PPARGC1B: variants seen among roughly 807,000 people sequenced by gnomAD.
PPARGC1B encodes PPARG coactivator 1 beta.
In PPARGC1B, 34 loss-of-function variants were observed where a neutral mutation model predicts 101.6. That is an observed-to-expected ratio of 0.33 (90% confidence interval 0.25 to 0.45). The LOEUF (loss-of-function observed/expected upper bound fraction) is 0.45. PPARGC1B is among the 20% of genes least tolerant of loss of function. The probability of loss-of-function intolerance (pLI) is 1.00; values close to 1 mark genes in which losing one functional copy is unlikely to be tolerated. For synonymous variants in PPARGC1B, 548 were observed against 539.3 expected, an observed-to-expected ratio of 1.02 and a Z score of -0.22; for missense variants, 1,234 against 1,317.6, an observed-to-expected ratio of 0.94 and a Z score of 0.98.
At chr5:149,831,996 A>G (rs1190676829) in intron 4 of PPARGC1B, among the ~76,000 whole-genome samples, 1 of 152,204 alleles carries the variant, frequency 6.6e-6, no homozygotes, top group East Asian at 1.9e-4. Context: ...TGTGACCATT[A>G]TCCAGTTTTA....
intron 1 of PPARGC1B, among the ~76,000 whole-genome samples, chr5:149,758,205 T>C (rs1755605198): frequency 6.6e-6 from 1 of 152,276 alleles, no homozygotes; most frequent in Non-Finnish European, 1.5e-5. Flanking sequence ...CTCTGTCTGC[T>C]GGGTAACCCT....
chr5:149,763,368 G>C (rs1309900471), intron 1 of PPARGC1B, among the ~76,000 whole-genome samples: 1 of 152,144 alleles, frequency 6.6e-6, no homozygotes, highest in Non-Finnish European at 1.5e-5. Flanking sequence ...AGGGGCTGTT[G>C]GTCATGAAGA....
Position 149,830,972 on chromosome 5 carries a change from C to T in PPARGC1B, c.582+89C>T. 4 of 866,194 alleles carry T rather than the reference C, an allele frequency of 4.6e-6. No homozygotes were observed. In the South Asian group the frequency reaches 5.6e-5, roughly 12 times the overall value. 53.7% of individuals were successfully genotyped at this position (866,194 alleles called of 1,614,324 possible). On this transcript the variant is annotated intron_variant, in intron 4 of 11. Transcript: ENST00000309241. ...GGTGGAGGATAGCGAGTTCAGTCAA[C>T]CTCCAATATCTCTTCCCACTCCTCC...
chr5:149,742,806 A>G (rs1754956439), intron 1 of PPARGC1B, among the ~76,000 whole-genome samples: 2 of 152,334 alleles, frequency 1.3e-5, no homozygotes, highest in South Asian at 2.1e-4. Context: ...TTCAGAGCAC[A>G]TGGTCCTAAC....
rs1168272608 is a variant in PPARGC1B, at chr5:149,832,711, G to A, written c.638G>A (p.Cys213Tyr). 1.3e-6 allele frequency: 2 copies of A among 1,585,672 alleles called. No homozygotes were observed. Among genetic ancestry groups the A allele is most frequent in the Non-Finnish European group, 8.6e-7 (1 of 1,163,546 alleles). Residue 213 changes from cysteine (C) to tyrosine (Y), a missense_variant, in exon 5 of 12, where the codon TGT (cysteine) becomes TAT (tyrosine). This residue lies in a region of PPARGC1B where 734 missense variants were observed against 768.4 expected (regional missense o/e 0.96). Coordinates refer to ENST00000309241, the MANE Select transcript of PPARGC1B (RefSeq NM_133263.4). This position sits in a 1 kb window ranked among gnomAD's most constrained non-coding sequence, Gnocchi z 4.9. ...ATGATGCAGTCTCAGAGCCGAAGTT[G>A]TACAGAACTACATAAGCACCTCACC... ...APMMQSQSRS[C>Y]TELHKHLTSA...
Position 149,794,822 on chromosome 5 carries a change from C to T in PPARGC1B, c.79-25611C>T, listed in dbSNP as rs181459427. 3.3e-5 allele frequency among the ~76,000 whole-genome samples: 5 copies of T among 152,356 alleles called. No individual in the cohort carries two copies. The East Asian group carries it at 7.7e-4, about 24-fold the overall frequency. ...CCGCTGCTGATGAAGCGTTGTCTGC[C>T]CAACACCTGCCCTTCCTCCTGTAAC... On this transcript the variant is annotated intron_variant, in intron 1 of 11. Coordinates refer to ENST00000309241, the MANE Select transcript of PPARGC1B (RefSeq NM_133263.4).
intron 1 of PPARGC1B, among the ~76,000 whole-genome samples, chr5:149,790,357 C>G (rs1343005087): frequency 6.6e-6 from 1 of 152,044 alleles, no homozygotes; most frequent in Non-Finnish European, 1.5e-5. Context: ...GTGGCTTCCC[C>G]TACAGAACAT....
chr5:149,839,947 A>T, intron 8 of PPARGC1B, 94 bp from the exon 9 acceptor site: 4 of 1,267,336 alleles, frequency 3.2e-6, no homozygotes, highest in Non-Finnish European at 4.6e-6. Flanking sequence ...AACAAATCCT[A>T]AGGAAGCATC....
intron 2 of PPARGC1B, 53 bp downstream of exon 2, chr5:149,820,659 C>T: frequency 6.5e-7 from 1 of 1,545,172 alleles, no homozygotes; most frequent in Non-Finnish European, 8.8e-7. Context: ...TCTCTCTCCT[C>T]AAAATCCCGG....
chr5:149,773,504 G>A (rs1312545327), intron 1 of PPARGC1B, among the ~76,000 whole-genome samples: 1 of 152,116 alleles, frequency 6.6e-6, no homozygotes, highest in East Asian at 1.9e-4. Flanking sequence ...TCTCAGCCTG[G>A]CCCCTGCCTG....
chr5:149,833,420 G>A lies in PPARGC1B; in HGVS notation c.1347G>A (p.Glu449=), dbSNP rs772698680. The A allele has an allele frequency of 5.6e-6, 9 of 1,593,190 alleles. No homozygotes were observed. The South Asian group carries it at 6.7e-5, about 12-fold the overall frequency. ...EEEEEEKEEE[E]EWGRKRPGRG... ...AGGAAGAAGAAAAAGAGGAGGAGGA[G>A]GAGTGGGGCAGGAAAAGGCCAGGCC... The change falls in exon 5 of 12, where the codon GAG becomes GAA. Residue 449 remains glutamate (E), a synonymous_variant. Transcript: ENST00000309241. This position sits in a 1 kb window ranked among gnomAD's most constrained non-coding sequence, Gnocchi z 4.1.
intron 2 of PPARGC1B, among the ~76,000 whole-genome samples, chr5:149,823,573 T>G (rs1758386782): frequency 6.6e-6 from 1 of 152,048 alleles, no homozygotes; most frequent in African/African-American, 2.4e-5. Context: ...CTCAGCTGAT[T>G]AACTCTCCAT....
At chr5:149,732,733 G>A (rs1330814395) in intron 1 of PPARGC1B, 5 of 464,852 alleles carry the variant, frequency 1.1e-5, no homozygotes, top group Non-Finnish European at 2.2e-5. Flanking sequence ...CGGGCCCAGT[G>A]TGCTCCTCCT....
intron 1 of PPARGC1B, among the ~76,000 whole-genome samples, chr5:149,800,299 G>A (rs552486480): frequency 6.6e-6 from 1 of 152,316 alleles, no homozygotes; most frequent in East Asian, 1.9e-4. Context: ...AGCAGTGCAC[G>A]AGGGGAGGGA....
chr5:149,843,198 C>T (rs1243310835), intron 10 of PPARGC1B, among the ~76,000 whole-genome samples: 1 of 152,076 alleles, frequency 6.6e-6, no homozygotes, highest in Non-Finnish European at 1.5e-5. Flanking sequence ...TACTAGGCAG[C>T]CCTGGTTTTT....
chr5:149,762,041 C>T (rs1291354641), intron 1 of PPARGC1B, among the ~76,000 whole-genome samples: 3 of 152,130 alleles, frequency 2.0e-5, no homozygotes, highest in African/African-American at 7.2e-5. Context: ...CTTCTCTGGC[C>T]AGACCCTGGT....
intron 11 of PPARGC1B, chr5:149,846,714 C>T (rs1759574518): frequency 6.5e-6 from 1 of 154,074 alleles, no homozygotes. Context: ...TGTCAGTGAC[C>T]CGGCTGGGTG....
chr5:149,808,366 T>C (rs1757676948), intron 1 of PPARGC1B, among the ~76,000 whole-genome samples: 4 of 152,058 alleles, frequency 2.6e-5, no homozygotes, highest in Admixed American at 2.6e-4. Flanking sequence ...GGCCTTTCAC[T>C]CCTGAGAGTC....
At chr5:149,759,630 T>A (rs1360395956) in intron 1 of PPARGC1B, among the ~76,000 whole-genome samples, 1 of 152,112 alleles carries the variant, frequency 6.6e-6, no homozygotes, top group East Asian at 1.9e-4. Flanking sequence ...CTGGGGTGGG[T>A]TGGTTCATTG....
Sources: allele counts gnomAD v4.1 joint callset (sites outside exome capture counted in the v4.1 genomes callset), GRCh38; gene constraint gnomAD v4.1.1; regional missense constraint gnomAD v4.1.1; non-coding constraint Gnocchi (gnomAD v3.1); transcripts MANE v1.5; gene names NCBI Gene and HGNC (gene_info 2026-07-23, HGNC 2026-07-21).